Variants in NEDD4L observed in about 807,000 individuals in gnomAD.
NEDD4L encodes E3 ubiquitin-protein ligase NEDD4-like.
Under a neutral mutation model 148.9 loss-of-function variants are expected in NEDD4L, and 54 were observed. The observed-to-expected ratio is 0.36, with a 90% CI of 0.29 to 0.45. The LOEUF is 0.45. NEDD4L is among the 20% of genes least tolerant of loss of function. The pLI, the probability that NEDD4L is intolerant of heterozygous loss-of-function variation, is 1.00. For synonymous variants in NEDD4L, 433 were observed against 440.7 expected (o/e 0.98, Z 0.22); for missense variants, 856 against 1,233.8 (o/e 0.69, Z 4.59).
intron 18 of NEDD4L, among the ~76,000 whole-genome samples, chr18:58,354,834 C>T (rs1360945337): frequency 6.6e-6 from 1 of 152,084 alleles, no homozygotes; most frequent in Non-Finnish European, 1.5e-5. Context: ...AGGGATGGGG[C>T]CCTGAGAGAA....
chr18:58,211,311 A>G (rs1346201310), intron 2 of NEDD4L, among the ~76,000 whole-genome samples: 3 of 152,220 alleles, frequency 2.0e-5, no homozygotes, highest in African/African-American at 7.2e-5. Context: ...TCTAGTAAAA[A>G]ATCTAAAATC....
At chr18:58,057,767 G>A (rs913973190) in intron 1 of NEDD4L, among the ~76,000 whole-genome samples, 1 of 152,058 alleles carries the variant, frequency 6.6e-6, no homozygotes, top group African/African-American at 2.4e-5. Context: ...GGAATTCCTG[G>A]GTCTTAACAG....
At chr18:58,178,913 A>C (rs1375728800) in intron 2 of NEDD4L, among the ~76,000 whole-genome samples, 1 of 152,258 alleles carries the variant, frequency 6.6e-6, no homozygotes, top group African/African-American at 2.4e-5. Context: ...TGGAAGAAAT[A>C]CTGCGTTTCA....
chr18:58,096,961 A>T (rs921983836), intron 1 of NEDD4L, among the ~76,000 whole-genome samples: 1 of 152,148 alleles, frequency 6.6e-6, no homozygotes, highest in African/African-American at 2.4e-5. Context: ...AGGGCTTTCT[A>T]TTTATTCTCT....
At chr18:58,063,949 CTTTTTTTTTTTTTTTTT>C (rs58608106) in intron 1 of NEDD4L, among the ~76,000 whole-genome samples, 27 of 129,904 alleles carry the variant, frequency 2.1e-4, no homozygotes, top group African/African-American at 6.5e-4. Context: ...TATAATGTTT[CTTTTTTTTTTTTTTTTT>C]TTTTTTTTTT....
chr18:58,267,595 C>G (rs757692250), intron 5 of NEDD4L, among the ~76,000 whole-genome samples: 1 of 151,976 alleles, frequency 6.6e-6, no homozygotes, highest in Non-Finnish European at 1.5e-5. Context: ...TGGATTGTCT[C>G]GGGAGTTAGT....
In NEDD4L at chr18:58,313,955, C is replaced by T. The variant is rs560571632; in HGVS notation, c.298-2027C>T. 5.3e-5 allele frequency among the ~76,000 whole-genome samples: 8 copies of T among 152,352 alleles called. No individual in the cohort carries two copies. In the South Asian group the frequency reaches 1.7e-3, roughly 32 times the overall value. On this transcript the variant is annotated intron_variant, in intron 5 of 30. Transcript: ENST00000400345. The stretch of plus-strand genomic sequence containing the variant: ...CTTTGAATAAGATTGTCTTGTCCTT[C>T]TGCTGATTGTCTTTTCCTTCCCACA...
intron 16 of NEDD4L, 71 bp from the exon 17 acceptor site, chr18:58,349,466 A>G (rs1197666124): frequency 9.8e-6 from 13 of 1,327,052 alleles, no homozygotes; most frequent in Non-Finnish European, 1.3e-5. Flanking sequence ...CAGCTCAAGA[A>G]GAAAAGCACC....
intron 2 of NEDD4L, among the ~76,000 whole-genome samples, chr18:58,172,451 C>A (rs1422232509): frequency 6.6e-6 from 1 of 152,210 alleles, no homozygotes; most frequent in Non-Finnish European, 1.5e-5. Context: ...GCTCCTGTTT[C>A]TTGAGCACTT....
intron 30 of NEDD4L, among the ~76,000 whole-genome samples, chr18:58,393,769 G>A (rs117486409): frequency 0.022 from 3,293 of 152,204 alleles, 60 homozygotes; most frequent in South Asian, 0.046. Flanking sequence ...TTTCTTCCAC[G>A]TTTTATGATA....
At chr18:58,125,630 C>T (rs112994215) in intron 1 of NEDD4L, among the ~76,000 whole-genome samples, 2,600 of 152,196 alleles carry the variant, frequency 0.017, 29 homozygotes, top group African/African-American at 0.026. Flanking sequence ...CTTCTCTGTG[C>T]CTCATGCAGC....
At chr18:58,146,997 C>T (rs1325533082) in intron 1 of NEDD4L, among the ~76,000 whole-genome samples, 2 of 152,068 alleles carry the variant, frequency 1.3e-5, no homozygotes, top group Admixed American at 6.5e-5. Flanking sequence ...CTCAGGACTC[C>T]GAGCAGAGCT....
intron 2 of NEDD4L, among the ~76,000 whole-genome samples, chr18:58,191,823 A>G (rs1171049333): frequency 6.6e-6 from 1 of 152,208 alleles, no homozygotes; most frequent in African/African-American, 2.4e-5. Context: ...GGGAAACTCC[A>G]ATGCTGGGAT....
intron 2 of NEDD4L, among the ~76,000 whole-genome samples, chr18:58,206,270 T>G (rs896548715): frequency 6.6e-6 from 1 of 152,128 alleles, no homozygotes; most frequent in Non-Finnish European, 1.5e-5. Flanking sequence ...ATGCCTATAA[T>G]TCCAGCTACT....
intron 1 of NEDD4L, among the ~76,000 whole-genome samples, chr18:58,137,531 G>T (rs1234382831): frequency 2.0e-5 from 3 of 152,066 alleles, no homozygotes; most frequent in African/African-American, 7.2e-5. Context: ...AGGATAACAG[G>T]GAGGAAAAGT....
chr18:58,223,176 T>G (rs1000141859), intron 2 of NEDD4L, among the ~76,000 whole-genome samples: 3 of 152,174 alleles, frequency 2.0e-5, no homozygotes, highest in Non-Finnish European at 2.9e-5. Context: ...AGTAAACATC[T>G]GTATTAGTTA....
chr18:58,048,618 A>T (rs1054615660), intron 1 of NEDD4L, among the ~76,000 whole-genome samples: 1 of 152,216 alleles, frequency 6.6e-6, no homozygotes, highest in Admixed American at 6.5e-5. Flanking sequence ...AGATTATTTA[A>T]GATAATGTAA....
chr18:58,262,866 C>T (rs543901866), intron 5 of NEDD4L, among the ~76,000 whole-genome samples: 151 of 152,256 alleles, frequency 9.9e-4, no homozygotes, highest in African/African-American at 3.1e-3. Context: ...ATGTCCTAAA[C>T]GGGCACTTTC....
At position 58,401,011 on chromosome 18, in the gene NEDD4L, CT is replaced by C. The variant is rs2050814133; in HGVS notation, c.*4744del. 6.6e-6 allele frequency: 1 copy of C among 152,038 alleles called. No homozygotes were observed. Among genetic ancestry groups the C allele is most frequent in the African/African-American group, 2.4e-5 (1 of 41,376 alleles). The allele number at this position is 152,038 out of a possible 1,614,324, so 9.4% of individuals were successfully genotyped here. Reference sequence around the variant, plus strand: ...TCGAAAGGAGGTGAGAGTTTAGTCCCTTCTGCAGTTTTCTCCAAGCTGTGTC... The same window carrying C: ...TCGAAAGGAGGTGAGAGTTTAGTCCCTCTGCAGTTTTCTCCAAGCTGTGTC... On this transcript the variant is annotated 3_prime_UTR_variant, in exon 31 of 31. Transcript: ENST00000400345.
Sources: allele counts gnomAD v4.1 joint callset (sites outside exome capture counted in the v4.1 genomes callset), GRCh38; gene constraint gnomAD v4.1.1; transcripts MANE v1.5; gene names NCBI Gene and HGNC (gene_info 2026-07-23, HGNC 2026-07-21).